Variants in UMAD1 observed in about 807,000 individuals in gnomAD.
UMAD1 encodes the protein UBAP1-MVB12-associated (UMA)-domain containing protein 1.
In UMAD1, 8 loss-of-function variants were observed where a neutral mutation model predicts 6.1. That is an observed-to-expected ratio of 1.30 (90% CI 0.76 to 2.35). The LOEUF (loss-of-function observed/expected upper bound fraction) is 2.35. Among genes scored for constraint, UMAD1 ranks in the 30% most tolerant of loss-of-function variants. The pLI is 0.00. For missense variants in UMAD1, 130 were observed against 78.4 expected, an observed-to-expected ratio of 1.66 and a Z score of -2.49; for synonymous variants, 56 against 31.4, an observed-to-expected ratio of 1.78 and a Z score of -2.61.
intron 2 of UMAD1, among the ~76,000 whole-genome samples, chr7:7,697,512 GCT>G (rs1158378151): frequency 3.3e-5 from 5 of 152,098 alleles, no homozygotes; most frequent in Non-Finnish European, 5.9e-5. Context: ...TATGATTGTG[GCT>G]TCCTTTTGTG....
chr7:7,760,524 G>T (rs1054657678), intron 2 of UMAD1, among the ~76,000 whole-genome samples: 1 of 151,682 alleles, frequency 6.6e-6, no homozygotes, highest in Non-Finnish European at 1.5e-5. Context: ...CCAAAGTGAG[G>T]GGATTTTTCT....
chr7:7,775,970 C>T (rs1462031523), intron 2 of UMAD1, among the ~76,000 whole-genome samples: 1 of 152,170 alleles, frequency 6.6e-6, no homozygotes, highest in East Asian at 1.9e-4. Flanking sequence ...GGTGATGGAT[C>T]GTTATGTAGG....
chr7:7,713,063 G>A (rs1312753013), intron 2 of UMAD1, among the ~76,000 whole-genome samples: 5 of 151,974 alleles, frequency 3.3e-5, no homozygotes, highest in African/African-American at 7.3e-5. Flanking sequence ...CTAGGGCCGC[G>A]CGCGGTGGCT....
intron 2 of UMAD1, among the ~76,000 whole-genome samples, chr7:7,713,180 T>C (rs185291544): frequency 1.3e-3 from 196 of 149,334 alleles, no homozygotes; most frequent in African/African-American, 4.4e-3. Flanking sequence ...CTACTAAAAA[T>C]ACAAAAAAAA....
chr7:7,697,502 T>C (rs1181794415), intron 2 of UMAD1, among the ~76,000 whole-genome samples: 1 of 152,356 alleles, frequency 6.6e-6, no homozygotes, highest in East Asian at 1.9e-4. Flanking sequence ...CATTTTGAAA[T>C]ATGATTGTGG....
At chr7:7,687,515 C>T (rs532175465) in intron 2 of UMAD1, among the ~76,000 whole-genome samples, 9 of 152,224 alleles carry the variant, frequency 5.9e-5, no homozygotes, top group Admixed American at 4.6e-4. Context: ...ACATATAGGC[C>T]TTCCCTCAAC....
chr7:7,735,480 G>A (rs147608213), intron 2 of UMAD1, among the ~76,000 whole-genome samples: 4,178 of 150,816 alleles, frequency 0.028, 191 homozygotes, highest in African/African-American at 0.096. Flanking sequence ...CGTGATCTCC[G>A]CTCACTGCAA....
chr7:7,871,516 T>G (rs977563880), intron 3 of UMAD1, among the ~76,000 whole-genome samples: 3 of 152,212 alleles, frequency 2.0e-5, no homozygotes, highest in Non-Finnish European at 4.4e-5. Context: ...CACATACCCT[T>G]ACAAGGCTGT....
intron 1 of UMAD1, among the ~76,000 whole-genome samples, chr7:7,646,407 C>A (rs953160444): frequency 7.3e-5 from 11 of 151,470 alleles, no homozygotes; most frequent in African/African-American, 2.7e-4. Flanking sequence ...CAGTTTCCCC[C>A]ATACTGTTCT....
intron 2 of UMAD1, among the ~76,000 whole-genome samples, chr7:7,687,808 C>G (rs1563123179): frequency 6.6e-6 from 1 of 152,116 alleles, no homozygotes; most frequent in Non-Finnish European, 1.5e-5. Flanking sequence ...TATAGTGTTA[C>G]TGATTTAAAG....
At chr7:7,860,078 T>G (rs934965266) in intron 3 of UMAD1, among the ~76,000 whole-genome samples, 4 of 152,212 alleles carry the variant, frequency 2.6e-5, no homozygotes, top group Non-Finnish European at 5.9e-5. Flanking sequence ...GGTAAGGACA[T>G]CTTGTACCCT....
intron 2 of UMAD1, chr7:7,686,049 C>G (rs1780035448): frequency 6.6e-6 from 1 of 152,162 alleles, no homozygotes; most frequent in South Asian, 2.1e-4. Context: ...GCATTTTAAG[C>G]AAGCAATGCA....
chr7:7,706,769 A>G (rs539210508), intron 2 of UMAD1, among the ~76,000 whole-genome samples: 1 of 152,278 alleles, frequency 6.6e-6, no homozygotes, highest in Admixed American at 6.5e-5. Flanking sequence ...GGGATTTTAA[A>G]CTAGATTGTC....
In UMAD1 at chr7:7,664,112, T is replaced by C. The variant is rs376552681; in HGVS notation, c.-63-9197T>C. Among the ~76,000 whole-genome samples, 30 of 152,330 alleles carry C rather than the reference T, an allele frequency of 2.0e-4. No homozygotes were observed. The South Asian group carries it at 6.2e-3, about 32-fold the overall frequency. Reference sequence around the variant, plus strand: ...TTCTTGCTATTATTTAAAACCTAGATTTTTACATAATAGCTGGATTTCCAG... The same window carrying C: ...TTCTTGCTATTATTTAAAACCTAGACTTTTACATAATAGCTGGATTTCCAG... On this transcript the variant is annotated intron_variant, in intron 1 of 3. Coordinates refer to ENST00000682710, the MANE Select transcript of UMAD1 (RefSeq NM_001302348.2).
At chr7:7,743,708 TATTATAC>T (rs1189505938) in intron 2 of UMAD1, among the ~76,000 whole-genome samples, 1 of 150,740 alleles carries the variant, frequency 6.6e-6, no homozygotes, top group African/African-American at 2.4e-5. Context: ...GTATAATATA[TATTATAC>T]ATATACATAT....
intron 3 of UMAD1, among the ~76,000 whole-genome samples, chr7:7,835,500 T>TTTTTTTTTTTTTTA (rs776524699): frequency 3.9e-5 from 4 of 102,444 alleles, no homozygotes; most frequent in Non-Finnish European, 4.0e-5. Context: ...TTTTTTTTTT[T>TTTTTTTTTTTTTTA]AGCTCTTAGC....
intron 3 of UMAD1, among the ~76,000 whole-genome samples, chr7:7,831,630 G>A (rs997815369): frequency 5.3e-5 from 8 of 152,140 alleles, no homozygotes; most frequent in Non-Finnish European, 1.0e-4. Flanking sequence ...TTGAGAGCCC[G>A]GAACTGGGAG....
chr7:7,840,898 C>T (rs1358989903), intron 3 of UMAD1, among the ~76,000 whole-genome samples: 3 of 152,186 alleles, frequency 2.0e-5, no homozygotes, highest in African/African-American at 7.2e-5. Context: ...TGTACTCCAT[C>T]ATAGCCTGGC....
chr7:7,671,017 T>G (rs1779592316), intron 1 of UMAD1, among the ~76,000 whole-genome samples: 1 of 152,148 alleles, frequency 6.6e-6, no homozygotes, highest in African/African-American at 2.4e-5. Flanking sequence ...ACAACGGAAA[T>G]GGGCACTGGG....
Sources: allele counts gnomAD v4.1 joint callset (sites outside exome capture counted in the v4.1 genomes callset), GRCh38; gene constraint gnomAD v4.1.1; transcripts MANE v1.5; gene names NCBI Gene and HGNC (gene_info 2026-07-23, HGNC 2026-07-21).